Variants in GPM6B observed in about 807,000 individuals in gnomAD.
GPM6B encodes the protein neuronal membrane glycoprotein M6-b.
GPM6B carries 4 observed loss-of-function variants against 27.2 expected under a neutral mutation model. The ratio of observed to expected loss-of-function variants is 0.15; its 90% CI spans 0.07 to 0.34. GPM6B has a LOEUF of 0.34. Ranked by LOEUF, GPM6B falls within the 10% of genes least tolerant of loss-of-function variation. GPM6B has a pLI of 1.00. For missense variants in GPM6B, 183 were observed against 261.9 expected, an observed-to-expected ratio of 0.70 and a Z score of 2.08; for synonymous variants, 124 against 103.1, an observed-to-expected ratio of 1.20 and a Z score of -1.23.
Position 13,816,835 on chromosome X carries a change from G to A in GPM6B, c.61+9C>T, listed in dbSNP as rs779700288. On this transcript the variant is annotated intron_variant, in intron 1 of 7. Transcript: ENST00000316715. Reference sequence around the variant, plus strand: ...GCTTTAAACAGGCTATTGTCAGAGCGCTGGGTACCTTTTCTCTCTTGGCTT... The same window carrying A: ...GCTTTAAACAGGCTATTGTCAGAGCACTGGGTACCTTTTCTCTCTTGGCTT... 9 of 1,207,938 alleles carry A rather than the reference G, an allele frequency of 7.5e-6. No individual in the cohort carries two copies. The highest frequency in any genetic ancestry group is 5.3e-5 in the African/African-American group (3 of 56,879).
At chrX:13,802,578 A>G (rs1385979663) in intron 2 of GPM6B, among the ~76,000 whole-genome samples, 1 of 110,698 alleles carries the variant, frequency 9.0e-6, no homozygotes, top group Non-Finnish European at 1.9e-5. Context: ...AAAGACTGCC[A>G]TAGCAGTCAG....
chrX:13,854,919 G>T (rs1293027406), intron 1 of GPM6B, among the ~76,000 whole-genome samples: 1 of 111,643 alleles, frequency 9.0e-6, no homozygotes, highest in East Asian at 2.8e-4. Context: ...TAAAGAAAAT[G>T]TGCAAATGAA....
intron 1 of GPM6B, among the ~76,000 whole-genome samples, chrX:13,934,632 G>T (rs1311479443): frequency 1.8e-5 from 2 of 112,087 alleles, no homozygotes; most frequent in Non-Finnish European, 3.8e-5. Context: ...TGACACTTCT[G>T]ATGCTGGCTT....
At chrX:13,930,587 C>G (rs1329224843) in intron 1 of GPM6B, among the ~76,000 whole-genome samples, 1 of 108,418 alleles carries the variant, frequency 9.2e-6, no homozygotes, top group Non-Finnish European at 1.9e-5. Flanking sequence ...GCACTCCAGC[C>G]TGGGTAACAG....
intron 1 of GPM6B, among the ~76,000 whole-genome samples, chrX:13,904,879 T>G (rs779561027): frequency 9.0e-6 from 1 of 110,763 alleles, no homozygotes; most frequent in African/African-American, 3.3e-5. Flanking sequence ...AATTTATTTC[T>G]GGGATCAAGA....
chrX:13,788,248 G>A (rs889709729), intron 2 of GPM6B, among the ~76,000 whole-genome samples: 17 of 111,635 alleles, frequency 1.5e-4, no homozygotes, highest in Non-Finnish European at 2.8e-4. Context: ...CCTACTGGGT[G>A]CCAAGTACAC....
rs2048558905 is a variant in GPM6B, at chrX:13,783,663, GGGCATCCTGGGC to G, written c.369-154_369-143del. 7.7e-6 allele frequency: 4 copies of G among 519,199 alleles called. No homozygotes were observed. The South Asian group carries it at 1.2e-4, about 16-fold the overall frequency. The allele number at this position is 519,199 out of a possible 1,213,427, so 42.8% of individuals were successfully genotyped here. A position where few individuals can be genotyped will look rare whatever the true frequency, so the allele number is the denominator to read the frequency against. On this transcript the variant is annotated intron_variant, in intron 3 of 7. Transcript: ENST00000316715. Reference sequence around the variant, plus strand: ...CACTGATGGCTTTGATGGACTTGTGGGGCATCCTGGGCGGCATCCCTGCCCATGTCCCAGCAA... The same window carrying G: ...CACTGATGGCTTTGATGGACTTGTGGGGCATCCCTGCCCATGTCCCAGCAA...
chrX:13,816,795 A>G, intron 1 of GPM6B, 49 bp downstream of exon 1: 1 of 1,187,201 alleles, frequency 8.4e-7, no homozygotes, highest in Non-Finnish European at 1.1e-6. Context: ...CTTTTTAAGC[A>G]CCCCCCAGTG....
intron 1 of GPM6B, among the ~76,000 whole-genome samples, chrX:13,928,533 C>G (rs1049574300): frequency 1.8e-5 from 2 of 112,049 alleles, no homozygotes; most frequent in African/African-American, 6.5e-5. Context: ...TGGAAACTGT[C>G]AGAATATGCC....
At chrX:13,903,114 A>G (rs371906341) in intron 1 of GPM6B, among the ~76,000 whole-genome samples, 1 of 111,986 alleles carries the variant, frequency 8.9e-6, no homozygotes, top group African/African-American at 3.2e-5. Context: ...ATACTTTGTT[A>G]AGGGGTCTTC....
At chrX:13,774,714 T>C (rs1193506647) in intron 7 of GPM6B, 11 of 660,583 alleles carry the variant, frequency 1.7e-5, no homozygotes, top group Non-Finnish European at 2.7e-5. Context: ...GACGGGTGCC[T>C]GCTCATAGTC....
At chrX:13,874,104 T>A (rs745572021) in intron 1 of GPM6B, among the ~76,000 whole-genome samples, 25 of 111,710 alleles carry the variant, frequency 2.2e-4, no homozygotes, top group Non-Finnish European at 3.8e-4. Context: ...TCAAAAAGTG[T>A]GAGATTAAGA....
At chrX:13,795,733 ATTTCT>A (rs370208922) in intron 2 of GPM6B, among the ~76,000 whole-genome samples, 1 of 98,183 alleles carries the variant, frequency 1.0e-5, no homozygotes, top group African/African-American at 3.8e-5. Flanking sequence ...CTCAGTTCTA[ATTTCT>A]TTTCTTTTTT....
At position 13,777,400 on chromosome X, in the gene GPM6B, G is replaced by T; in HGVS notation, c.723C>A (p.Pro241=). ...CCAGGGCAGAGCCACATATTTTTCC[G>T]GGGAAAGCATTCCAAGGAATGATAC... ...QYGIIPWNAF[P]GKICGSALEN... is the part of the protein sequence containing the mutation. Residue 241 remains proline, a synonymous_variant, in exon 6 of 8, where the codon CCC becomes CCA. Coordinates refer to ENST00000316715, the MANE Select transcript of GPM6B (RefSeq NM_001001995.3). The T allele has an allele frequency of 8.3e-7, 1 of 1,201,525 alleles. No homozygotes were observed. The highest frequency in any genetic ancestry group is 3.0e-5 in the East Asian group (1 of 33,804).
intron 7 of GPM6B, among the ~76,000 whole-genome samples, chrX:13,775,033 T>C (rs1216732568): frequency 8.9e-6 from 1 of 111,982 alleles, no homozygotes; most frequent in Non-Finnish European, 1.9e-5. Flanking sequence ...GGTGGTTTTT[T>C]TCATAGATTC....
chrX:13,844,980 TTTTTTC>T (rs1260669571), intron 1 of GPM6B, among the ~76,000 whole-genome samples: 1 of 104,175 alleles, frequency 9.6e-6, no homozygotes, highest in African/African-American at 3.6e-5. Flanking sequence ...TTTCAGAACG[TTTTTTC>T]TTTTTCTTTT....
intron 1 of GPM6B, among the ~76,000 whole-genome samples, chrX:13,877,679 A>T (rs1230305017): frequency 9.3e-6 from 1 of 107,226 alleles, no homozygotes; most frequent in Admixed American, 1.0e-4. Context: ...CCTGAAAATT[A>T]GCCAGGCATG....
intron 1 of GPM6B, among the ~76,000 whole-genome samples, chrX:13,824,491 G>A (rs1013675090): frequency 2.7e-5 from 3 of 111,856 alleles, no homozygotes; most frequent in Non-Finnish European, 5.6e-5. Context: ...GCCAACTGCT[G>A]GAGGCAGGAG....
At chrX:13,861,023 C>T (rs886538366) in intron 1 of GPM6B, among the ~76,000 whole-genome samples, 1 of 83,006 alleles carries the variant, frequency 1.2e-5, no homozygotes, top group African/African-American at 6.5e-5. Flanking sequence ...CACACACACA[C>T]ACACACACAC....
Sources: allele counts gnomAD v4.1 joint callset (sites outside exome capture counted in the v4.1 genomes callset), GRCh38; gene constraint gnomAD v4.1.1; transcripts MANE v1.5; gene names NCBI Gene and HGNC (gene_info 2026-07-23, HGNC 2026-07-21).